The following ADIPOR2 variants were observed in gnomAD, a reference collection of about 807,000 sequenced individuals.
The protein encoded by ADIPOR2 is adiponectin receptor 2.
A neutral mutation model predicts 40.9 loss-of-function variants in ADIPOR2; 18 were observed. The observed-to-expected ratio is 0.44, with a 90% confidence interval of 0.30 to 0.65. The LOEUF (loss-of-function observed/expected upper bound fraction) is 0.65. ADIPOR2 is among the 30% of genes least tolerant of loss of function. The pLI, the probability that ADIPOR2 is intolerant of heterozygous loss-of-function variation, is 0.09. For missense variants in ADIPOR2, 283 were observed against 479.2 expected (o/e 0.59, Z 3.82); for synonymous variants, 165 against 166.4 (o/e 0.99, Z 0.06).
At position 1,772,862 on chromosome 12, in the gene ADIPOR2, C is replaced by G; in HGVS notation, c.192C>G (p.Tyr64Ter). 1 of 1,612,848 alleles carries G rather than the reference C, an allele frequency of 6.2e-7. No homozygotes were observed. The highest frequency in any genetic ancestry group is 8.5e-7 in the Non-Finnish European group (1 of 1,179,388). ...TGCAGAGCTCTGAGGAACATGAATACAGTGATGAAGCTCCTCAGGAAGATG... is the reference window on the plus strand; with the variant it reads ...TGCAGAGCTCTGAGGAACATGAATAGAGTGATGAAGCTCCTCAGGAAGATG... ...HHKKSSEEHE[Y>*]SDEAPQEDEG... Residue 64 changes from tyrosine to a stop codon, truncating the protein, a stop_gained, in exon 3 of 8, where the codon TAC becomes TAG. Transcript: ENST00000357103. LOFTEE classifies it high-confidence loss of function.
At chr12:1,692,341 A>G (rs2094628850) in intron 1 of ADIPOR2, among the ~76,000 whole-genome samples, 1 of 152,172 alleles carries the variant, frequency 6.6e-6, no homozygotes. Flanking sequence ...CTCTTAGGTA[A>G]TTCCTAGATG....
At chr12:1,731,488 C>T (rs193031020) in intron 1 of ADIPOR2, among the ~76,000 whole-genome samples, 7 of 152,268 alleles carry the variant, frequency 4.6e-5, no homozygotes, top group Non-Finnish European at 7.4e-5. Flanking sequence ...AGAAACTATG[C>T]GCATTATACA....
At position 1,724,953 on chromosome 12, in the gene ADIPOR2, T is replaced by C. The variant is rs2094704897; in HGVS notation, c.-86-29305T>C. On this transcript the variant is annotated intron_variant, in intron 1 of 7. Coordinates refer to ENST00000357103, the MANE Select transcript of ADIPOR2 (RefSeq NM_024551.3). ...ACAACTGTTAGGTATTATTAGGTATTATATATTATTCCTGGGAGCAGACTA... is the reference window on the plus strand; with the variant it reads ...ACAACTGTTAGGTATTATTAGGTATCATATATTATTCCTGGGAGCAGACTA... Among the ~76,000 whole-genome samples the C allele has an allele frequency of 2.0e-5, 3 of 152,134 alleles. No individual in the cohort carries two copies. In the South Asian group the frequency reaches 6.2e-4, roughly 32 times the overall value.
At chr12:1,732,086 C>T (rs1486903689) in intron 1 of ADIPOR2, among the ~76,000 whole-genome samples, 1 of 151,976 alleles carries the variant, frequency 6.6e-6, no homozygotes, top group Admixed American at 6.6e-5. Flanking sequence ...TATATCTACC[C>T]GCTGCTTGGT....
At chr12:1,737,077 C>T (rs1417222064) in intron 1 of ADIPOR2, among the ~76,000 whole-genome samples, 1 of 152,128 alleles carries the variant, frequency 6.6e-6, no homozygotes, top group Admixed American at 6.5e-5. Context: ...AAACTGTGAG[C>T]CTTGAATTCT....
intron 1 of ADIPOR2, among the ~76,000 whole-genome samples, chr12:1,694,623 G>C (rs2094634199): frequency 6.6e-6 from 1 of 152,108 alleles, no homozygotes; most frequent in African/African-American, 2.4e-5. Flanking sequence ...ACAGACATAA[G>C]AGCCCATGGA....
intron 1 of ADIPOR2, among the ~76,000 whole-genome samples, chr12:1,704,850 C>G (rs746157519): frequency 6.6e-6 from 1 of 151,906 alleles, no homozygotes. Context: ...TATTCCTTTT[C>G]TTTCTCATAC....
chr12:1,749,037 T>G (rs889171603), intron 1 of ADIPOR2, among the ~76,000 whole-genome samples: 6 of 152,200 alleles, frequency 3.9e-5, no homozygotes, highest in Non-Finnish European at 5.9e-5. Flanking sequence ...GCCCCCTCTT[T>G]GGGTTCATTA....
At chr12:1,734,389 T>G (rs1198711968) in intron 1 of ADIPOR2, among the ~76,000 whole-genome samples, 2 of 152,146 alleles carry the variant, frequency 1.3e-5, no homozygotes, top group African/African-American at 4.8e-5. Context: ...TCATGTGTCT[T>G]TTGGCTGCAT....
rs776358989 is a variant in ADIPOR2 at position 1,754,394 on chromosome 12, A to G, written c.51A>G (p.Pro17=). ...TGGGGTGCAGCAGGACTCCAGAGCC[A>G]GATATAAGGCTCAGAAAAGGGCACC... is the stretch of plus-strand genomic sequence containing the variant. The part of the protein sequence containing the change: ...NRLGCSRTPE[P]DIRLRKGHQL... Residue 17 remains proline, a synonymous_variant, in exon 2 of 8, where the codon CCA becomes CCG. Transcript: ENST00000357103. 1.9e-6 allele frequency: 3 copies of G among 1,613,360 alleles called. No homozygotes were observed. The highest frequency in any genetic ancestry group is 2.5e-6 in the Non-Finnish European group (3 of 1,179,650).
At chr12:1,729,364 T>C (rs907307505) in intron 1 of ADIPOR2, among the ~76,000 whole-genome samples, 8 of 151,982 alleles carry the variant, frequency 5.3e-5, no homozygotes, top group African/African-American at 1.9e-4. Context: ...AATTATTAAA[T>C]ATTAGGGAGC....
intron 1 of ADIPOR2, among the ~76,000 whole-genome samples, chr12:1,708,096 CTATT>C (rs2094667303): frequency 6.6e-6 from 1 of 150,614 alleles, no homozygotes; most frequent in African/African-American, 2.4e-5. Flanking sequence ...AGTATAACAG[CTATT>C]TATATAGCAT....
chr12:1,770,882 A>G (rs1038727306), intron 2 of ADIPOR2, among the ~76,000 whole-genome samples: 1 of 152,166 alleles, frequency 6.6e-6, no homozygotes, highest in African/African-American at 2.4e-5. Context: ...TAGATAGGTT[A>G]TGCAGTCTCT....
chr12:1,699,551 C>T (rs1210449797), intron 1 of ADIPOR2, among the ~76,000 whole-genome samples: 4 of 152,080 alleles, frequency 2.6e-5, no homozygotes, highest in Admixed American at 1.3e-4. Flanking sequence ...CTTGGGAGAC[C>T]GAGGCAGGAT....
chr12:1,785,882 CT>C (rs1229403281), intron 7 of ADIPOR2, 61 bp from the exon 8 acceptor site: 1 of 1,586,444 alleles, frequency 6.3e-7, no homozygotes, highest in Non-Finnish European at 8.6e-7. Context: ...TCCTAAGAAT[CT>C]TTAGCAGTCT....
chr12:1,736,324 A>G (rs1350963063), intron 1 of ADIPOR2, among the ~76,000 whole-genome samples: 1 of 152,086 alleles, frequency 6.6e-6, no homozygotes, highest in Non-Finnish European at 1.5e-5. Context: ...TAGTCTTGGG[A>G]GGGTGTATGT....
At chr12:1,704,162 A>G (rs2094657170) in intron 1 of ADIPOR2, among the ~76,000 whole-genome samples, 1 of 148,312 alleles carries the variant, frequency 6.7e-6, no homozygotes, top group South Asian at 2.1e-4. Context: ...AGTGTTTTGA[A>G]TTTTTGAGTT....
At chr12:1,724,943 T>A (rs1178650021) in intron 1 of ADIPOR2, among the ~76,000 whole-genome samples, 1 of 152,146 alleles carries the variant, frequency 6.6e-6, no homozygotes, top group Non-Finnish European at 1.5e-5. Flanking sequence ...TGTTAGGTAT[T>A]ATTAGGTATT....
intron 1 of ADIPOR2, among the ~76,000 whole-genome samples, chr12:1,708,297 C>T (rs540344495): frequency 5.9e-5 from 9 of 151,386 alleles, no homozygotes; most frequent in Admixed American, 1.3e-4. Flanking sequence ...CCAGGGATAC[C>T]GAGAGATGAC....
Sources: gnomAD v4.1 joint callset for allele counts (sites outside exome capture counted in the v4.1 genomes callset) on GRCh38, gnomAD v4.1.1 for gene constraint, MANE v1.5 for transcripts, NCBI Gene and HGNC (gene_info 2026-07-23, HGNC 2026-07-21) for gene names.